IGFL4: variants seen among roughly 807,000 people sequenced by gnomAD.
IGFL4 encodes the protein IGF like family member 4, also known as insulin growth factor-like family member 4.
IGFL4 carries 12 observed loss-of-function variants against 15.4 expected under a neutral mutation model. The observed-to-expected ratio is 0.78, with a 90% CI of 0.50 to 1.26. IGFL4 has a LOEUF of 1.26. Among genes scored for constraint, IGFL4 ranks in the 50% most tolerant of loss-of-function variants. The probability of loss-of-function intolerance (pLI) is 0.00; values close to 1 mark genes in which losing one functional copy is unlikely to be tolerated. For synonymous variants in IGFL4, 54 were observed against 55.9 expected (o/e 0.97, Z 0.16); for missense variants, 126 against 147.8 (o/e 0.85, Z 0.76).
intron 2 of IGFL4, among the ~76,000 whole-genome samples, chr19:46,048,170 CAT>C (rs1470943428): frequency 6.6e-6 from 1 of 152,186 alleles, no homozygotes; most frequent in Non-Finnish European, 1.5e-5. Flanking sequence ...ACAAAACACA[CAT>C]GATTATCTCA....
At chr19:46,055,329 C>T (rs1181206442) in intron 2 of IGFL4, among the ~76,000 whole-genome samples, 3 of 152,160 alleles carry the variant, frequency 2.0e-5, no homozygotes, top group Non-Finnish European at 4.4e-5. Flanking sequence ...AGGAGTTCAA[C>T]AGTTTCTCCT....
chr19:46,043,702 A>G (rs1424126992), upstream of IGFL4, among the ~76,000 whole-genome samples: 1 of 152,206 alleles, frequency 6.6e-6, no homozygotes, highest in East Asian at 1.9e-4. Flanking sequence ...AAAGATAGTC[A>G]TTTCAACAAA....
chr19:46,039,900 G>C lies in IGFL4; in HGVS notation c.367C>G (p.Leu123Val). 3 of 1,612,332 alleles carry C rather than the reference G, an allele frequency of 1.9e-6. No individual in the cohort carries two copies. Among genetic ancestry groups the C allele is most frequent in the East Asian group, 2.2e-5 (1 of 44,872 alleles). Residue 123 changes from leucine (L) to valine (V), a missense_variant, in exon 4 of 4, where the codon CTC becomes GTC. Transcript: ENST00000377697. Reference protein sequence around the residue: ...HPKSPVSRSDLI With the variant: ...HPKSPVSRSDVI ...TGCTACCCCAGAACAGTCTAGATGA[G>C]GTCAGATCTTGACACAGGGCTTTTT...
chr19:46,073,773 A>T (rs576441667), intron 1 of IGFL4, among the ~76,000 whole-genome samples: 9 of 152,156 alleles, frequency 5.9e-5, no homozygotes, highest in Non-Finnish European at 1.2e-4. Flanking sequence ...AGGATCCTCA[A>T]TCCTGGATTA....
chr19:46,054,883 G>A (rs547311765), intron 2 of IGFL4, among the ~76,000 whole-genome samples: 54 of 152,288 alleles, frequency 3.5e-4, no homozygotes, highest in African/African-American at 1.3e-3. Context: ...AACAAAATTT[G>A]AAATGGAGGG....
chr19:46,042,604 G>A (rs1048143015), upstream of IGFL4, among the ~76,000 whole-genome samples: 1 of 152,198 alleles, frequency 6.6e-6, no homozygotes, highest in Admixed American at 6.5e-5. Context: ...TTCTGTTAGT[G>A]ACAAAAACAA....
At chr19:46,047,768 G>A (rs1296611511) in intron 2 of IGFL4, among the ~76,000 whole-genome samples, 1 of 152,014 alleles carries the variant, frequency 6.6e-6, no homozygotes, top group African/African-American at 2.4e-5. Context: ...TCCGAAATTG[G>A]GGGGTAATAA....
At chr19:46,059,020 A>C (rs777488300) in intron 2 of IGFL4, 2 of 152,226 alleles carry the variant, frequency 1.3e-5, no homozygotes, top group Non-Finnish European at 2.9e-5. Context: ...GTCTTTTAGC[A>C]TGCTAATGCA....
chr19:46,056,766 C>G (rs7256039), intron 2 of IGFL4, among the ~76,000 whole-genome samples: 7 of 152,284 alleles, frequency 4.6e-5, no homozygotes, highest in African/African-American at 1.7e-4. Context: ...TTACATCTAC[C>G]CAGCCACAGA....
In IGFL4 at chr19:46,040,588, C is replaced by T. The variant is rs193208783; in HGVS notation, c.20-20G>A. On this transcript the variant is annotated intron_variant, in intron 1 of 3. Transcript: ENST00000377697. The surrounding 1 kb of genome is among the most constrained non-coding windows in gnomAD (Gnocchi z 4.1). ...TGGCAGCTGAGAAGCAGAAGGAGAG[C>T]GAGAATGATTCTGAGGTCACTAGGT... 29 of 1,613,568 alleles carry T rather than the reference C, an allele frequency of 1.8e-5. No individual in the cohort carries two copies. The highest frequency in any genetic ancestry group is 1.6e-4 in the Middle Eastern group (1 of 6,080).
At chr19:46,060,832 G>A (rs887575736) in intron 1 of IGFL4, among the ~76,000 whole-genome samples, 17 of 152,196 alleles carry the variant, frequency 1.1e-4, no homozygotes, top group Non-Finnish European at 2.2e-4. Context: ...TATCAAATAA[G>A]CCAAATGCCA....
Position 46,040,617 on chromosome 19 carries a change from G to T in IGFL4, c.20-49C>A. 1 of 1,590,358 alleles carries T rather than the reference G, an allele frequency of 6.3e-7. No homozygotes were observed. Among genetic ancestry groups the T allele is most frequent in the South Asian group, 1.1e-5 (1 of 90,398 alleles). On this transcript the variant is annotated intron_variant, in intron 1 of 3. Coordinates refer to ENST00000377697, the MANE Select transcript of IGFL4 (RefSeq NM_001002923.3). The surrounding 1 kb of genome is among the most constrained non-coding windows in gnomAD (Gnocchi z 4.1). ...AATGATTCTGAGGTCACTAGGTCTT[G>T]ACCACGGGGCACAGGATGATGTCTC...
chr19:46,056,735 C>T (rs566874228), intron 2 of IGFL4, among the ~76,000 whole-genome samples: 42 of 152,206 alleles, frequency 2.8e-4, no homozygotes, highest in African/African-American at 1.0e-3. Flanking sequence ...GGCAAGTCCT[C>T]CCTTTGAGCT....
chr19:46,044,331 G>C (rs1469568858), upstream of IGFL4, among the ~76,000 whole-genome samples: 1 of 152,172 alleles, frequency 6.6e-6, no homozygotes, highest in Non-Finnish European at 1.5e-5. Context: ...AGCAAGGGAG[G>C]ACATCCCTCC....
intron 2 of IGFL4, among the ~76,000 whole-genome samples, chr19:46,055,574 T>C (rs770821685): frequency 1.3e-5 from 2 of 152,182 alleles, no homozygotes; most frequent in Non-Finnish European, 2.9e-5. Flanking sequence ...TTGAATTTGC[T>C]TATTAGTGTT....
chr19:46,071,453 C>T (rs1020061053), intron 1 of IGFL4, among the ~76,000 whole-genome samples: 1 of 152,172 alleles, frequency 6.6e-6, no homozygotes, highest in African/African-American at 2.4e-5. Flanking sequence ...AGTTTCATAT[C>T]AAATAAACAT....
At chr19:46,069,380 T>C (rs928637028) in intron 1 of IGFL4, among the ~76,000 whole-genome samples, 11 of 152,222 alleles carry the variant, frequency 7.2e-5, no homozygotes, top group African/African-American at 2.4e-4. Context: ...GAAACAAATG[T>C]ATTCTAATGA....
intron 2 of IGFL4, among the ~76,000 whole-genome samples, chr19:46,053,929 A>G (rs779202177): frequency 6.6e-6 from 1 of 152,128 alleles, no homozygotes; most frequent in Non-Finnish European, 1.5e-5. Context: ...CTTTTGAGAA[A>G]TGTCTGTTCA....
chr19:46,040,937 T>G lies in IGFL4; in HGVS notation c.19+7A>C. 3.1e-6 allele frequency: 5 copies of G among 1,589,358 alleles called. No homozygotes were observed. Among genetic ancestry groups the G allele is most frequent in the Non-Finnish European group, 4.3e-6 (5 of 1,169,578 alleles). On this transcript the variant is annotated splice_region_variant and intron_variant, in intron 1 of 3. Transcript: ENST00000377697. The surrounding 1 kb of genome is among the most constrained non-coding windows in gnomAD (Gnocchi z 4.1). ...ATTAGCTTAGCCTAGGGCTGGGGTC[T>G]CCTTACCAGAAATTCTGGGCACCAT...
Sources: allele counts gnomAD v4.1 joint callset (sites outside exome capture counted in the v4.1 genomes callset), GRCh38; gene constraint gnomAD v4.1.1; non-coding constraint Gnocchi (gnomAD v3.1); transcripts MANE v1.5; gene names NCBI Gene and HGNC (gene_info 2026-07-23, HGNC 2026-07-21).